The following TRDN variants were observed in gnomAD, a reference collection of about 807,000 sequenced individuals.
TRDN encodes triadin.
TRDN carries 161 observed loss-of-function variants against 149.7 expected under a neutral mutation model. The observed-to-expected ratio is 1.08, with a 90% CI of 0.95 to 1.23. The LOEUF (loss-of-function observed/expected upper bound fraction) is 1.23, where lower values mean the gene tolerates loss of function less well. TRDN is among the 50% of genes most tolerant of loss of function. TRDN has a pLI of 0.00. For synonymous variants in TRDN, 294 were observed against 250.5 expected, an observed-to-expected ratio of 1.17 and a Z score of -1.64; for missense variants, 896 against 823.5, an observed-to-expected ratio of 1.09 and a Z score of -1.08.
At chr6:123,536,581 T>G (rs1780544439) in intron 4 of TRDN, among the ~76,000 whole-genome samples, 1 of 151,874 alleles carries the variant, frequency 6.6e-6, no homozygotes, top group Non-Finnish European at 1.5e-5. Context: ...CCAGGTGCAG[T>G]ATCTCACACC....
At chr6:123,356,071 C>T (rs535451572) in intron 20 of TRDN, among the ~76,000 whole-genome samples, 3 of 151,678 alleles carry the variant, frequency 2.0e-5, no homozygotes, top group East Asian at 3.9e-4. Flanking sequence ...TTGTGAATAA[C>T]GTGTTTTATT....
chr6:123,244,819 GA>G (rs1268028010), intron 38 of TRDN, among the ~76,000 whole-genome samples: 2 of 152,080 alleles, frequency 1.3e-5, no homozygotes, highest in African/African-American at 2.4e-5. Context: ...TGAAATGAAA[GA>G]AAAAATGTTA....
intron 9 of TRDN, among the ~76,000 whole-genome samples, chr6:123,491,224 T>A (rs2153135): frequency 0.85 from 129,148 of 152,080 alleles, 54,919 homozygotes; most frequent in East Asian, 0.98. Context: ...ACCATCAAGG[T>A]TTATAAAAAT....
At chr6:123,481,232 G>C (rs2114769890) in intron 9 of TRDN, among the ~76,000 whole-genome samples, 1 of 152,012 alleles carries the variant, frequency 6.6e-6, no homozygotes, top group East Asian at 1.9e-4. Flanking sequence ...TCTGCTTGTG[G>C]TTTCTATGCC....
intron 38 of TRDN, among the ~76,000 whole-genome samples, chr6:123,241,858 C>G (rs1776001614): frequency 6.6e-6 from 1 of 151,118 alleles, no homozygotes; most frequent in South Asian, 2.1e-4. Context: ...AAATGCTCCC[C>G]TATTCAAGAA....
chr6:123,447,934 G>A (rs1258656445), intron 10 of TRDN, among the ~76,000 whole-genome samples: 1 of 152,110 alleles, frequency 6.6e-6, no homozygotes, highest in Non-Finnish European at 1.5e-5. Flanking sequence ...TGTGGAAGTG[G>A]GAAAGGGAGA....
intron 5 of TRDN, among the ~76,000 whole-genome samples, chr6:123,527,128 C>T (rs916998052): frequency 5.3e-5 from 8 of 152,062 alleles, no homozygotes; most frequent in South Asian, 2.1e-4. Flanking sequence ...AAAGACCTTT[C>T]TAAAAGTAGA....
chr6:123,558,654 A>G lies in TRDN; in HGVS notation c.233-10042T>C, dbSNP rs145958901. Among the ~76,000 whole-genome samples the G allele has an allele frequency of 7.3e-3, 1,115 of 152,220 alleles. 9 individuals are homozygous for G. Among genetic ancestry groups the G allele is most frequent in the African/African-American group, 0.025 (1,051 of 41,526 alleles). Reference sequence around the variant, plus strand: ...TTCTCAATATACATTTTATTACCCAATCTGCTCCCGACATTAAATAAGACT... The same window carrying G: ...TTCTCAATATACATTTTATTACCCAGTCTGCTCCCGACATTAAATAAGACT... On this transcript the variant is annotated intron_variant, in intron 2 of 40. Coordinates refer to ENST00000334268, the MANE Select transcript of TRDN (RefSeq NM_006073.4).
In TRDN at chr6:123,405,719, A is replaced by G. The variant is rs374629366; in HGVS notation, c.1052-12042T>C. On this transcript the variant is annotated intron_variant, in intron 12 of 40. Coordinates refer to ENST00000334268, the MANE Select transcript of TRDN (RefSeq NM_006073.4). The stretch of plus-strand genomic sequence containing the variant: ...GGCTCACATTATGATGTAAAATTTA[A>G]AAAGTCAATTTAATTTAAAAAACAA... Among the ~76,000 whole-genome samples, 46 of 152,332 alleles carry G rather than the reference A, an allele frequency of 3.0e-4. No homozygotes were observed. In the East Asian group the frequency reaches 4.0e-3, roughly 13 times the overall value.
chr6:123,324,354 CTTATAA>C (rs1484445067), intron 23 of TRDN, among the ~76,000 whole-genome samples: 1 of 152,010 alleles, frequency 6.6e-6, no homozygotes, highest in Non-Finnish European at 1.5e-5. Flanking sequence ...GTGGTGCATG[CTTATAA>C]TTCCAGGTAC....
intron 1 of TRDN, 42 bp from the exon 2 acceptor site, chr6:123,571,174 A>G: frequency 1.3e-6 from 2 of 1,596,086 alleles, no homozygotes; most frequent in Non-Finnish European, 1.7e-6. Flanking sequence ...TTAGAGATTC[A>G]TGGTAAATAT....
At chr6:123,415,890 C>T (rs1055236544) in intron 12 of TRDN, among the ~76,000 whole-genome samples, 3 of 152,248 alleles carry the variant, frequency 2.0e-5, no homozygotes, top group East Asian at 1.9e-4. Context: ...ATACTTTAGT[C>T]GAGTTTCCAT....
At chr6:123,504,659 C>CAT (rs944541212) in intron 7 of TRDN, among the ~76,000 whole-genome samples, 8 of 151,784 alleles carry the variant, frequency 5.3e-5, no homozygotes, top group African/African-American at 1.9e-4. Context: ...TAAATTAGAA[C>CAT]ATATATATAT....
chr6:123,303,261 A>T lies in TRDN; in HGVS notation c.1510+13196T>A, dbSNP rs186873207. Among the ~76,000 whole-genome samples, 61 of 152,280 alleles carry T rather than the reference A, an allele frequency of 4.0e-4. 1 individual carries two copies. In the East Asian group the frequency reaches 0.011, roughly 27 times the overall value. ...TGTGGTATATATCATAAAGTCAAGA[A>T]ACATGTCAAAAACAGATTTTAAAAA... On this transcript the variant is annotated intron_variant, in intron 24 of 40. Coordinates refer to ENST00000334268, the MANE Select transcript of TRDN (RefSeq NM_006073.4).
chr6:123,578,397 G>A (rs1169951284), intron 1 of TRDN, among the ~76,000 whole-genome samples: 1 of 151,850 alleles, frequency 6.6e-6, no homozygotes, highest in Non-Finnish European at 1.5e-5. Context: ...GGAGTCATGT[G>A]ACATGAGTTT....
chr6:123,321,356 C>T (rs1779235445), intron 23 of TRDN, among the ~76,000 whole-genome samples: 1 of 152,218 alleles, frequency 6.6e-6, no homozygotes, highest in East Asian at 1.9e-4. Flanking sequence ...ATTTTAAATA[C>T]AATACGTATT....
At chr6:123,257,344 G>C (rs1776599852) in intron 35 of TRDN, among the ~76,000 whole-genome samples, 1 of 152,104 alleles carries the variant, frequency 6.6e-6, no homozygotes, top group Non-Finnish European at 1.5e-5. Flanking sequence ...TCCAGTTTCT[G>C]TTTTCTGCAT....
At chr6:123,447,355 C>CA (rs1775447574) in intron 10 of TRDN, among the ~76,000 whole-genome samples, 1 of 152,132 alleles carries the variant, frequency 6.6e-6, no homozygotes, top group South Asian at 2.1e-4. Context: ...CTAGGTGTGA[C>CA]AGCAGTAAGT....
chr6:123,554,063 C>T (rs1045204635), intron 2 of TRDN, among the ~76,000 whole-genome samples: 2 of 152,136 alleles, frequency 1.3e-5, no homozygotes, highest in African/African-American at 4.8e-5. Flanking sequence ...CATAGCGAAC[C>T]TTGGTAAGGT....
Sources: allele counts gnomAD v4.1 joint callset (sites outside exome capture counted in the v4.1 genomes callset), GRCh38; gene constraint gnomAD v4.1.1; transcripts MANE v1.5; gene names NCBI Gene and HGNC (gene_info 2026-07-23, HGNC 2026-07-21).